ADGRF5: variants seen among roughly 807,000 people sequenced by gnomAD.
ADGRF5 encodes adhesion G protein-coupled receptor F5.
ADGRF5 carries 75 observed loss-of-function variants against 132.3 expected under a neutral mutation model. The observed-to-expected ratio is 0.57, with a 90% CI of 0.47 to 0.69. The LOEUF (loss-of-function observed/expected upper bound fraction) is 0.69. Ranked by LOEUF, ADGRF5 falls within the 30% of genes least tolerant of loss-of-function variation. The pLI, the probability that ADGRF5 is intolerant of heterozygous loss-of-function variation, is 0.00. For synonymous variants in ADGRF5, 629 were observed against 597.6 expected, an observed-to-expected ratio of 1.05 and a Z score of -0.77; for missense variants, 1,516 against 1,630.6, an observed-to-expected ratio of 0.93 and a Z score of 1.21.
chr6:46,926,974 C>T (rs979249583), intron 1 of ADGRF5, among the ~76,000 whole-genome samples: 3 of 152,116 alleles, frequency 2.0e-5, no homozygotes, highest in Admixed American at 6.5e-5. Flanking sequence ...TCTCCAATGG[C>T]GGATACCATA....
intron 10 of ADGRF5, among the ~76,000 whole-genome samples, chr6:46,876,565 A>G (rs1219175187): frequency 1.3e-5 from 2 of 152,162 alleles, no homozygotes; most frequent in East Asian, 3.9e-4. Context: ...TTTGGAAATT[A>G]CATGTGCTTA....
chr6:46,855,069 G>A (rs1768882443), intron 20 of ADGRF5, among the ~76,000 whole-genome samples: 1 of 152,240 alleles, frequency 6.6e-6, no homozygotes, highest in African/African-American at 2.4e-5. Flanking sequence ...TTCCTGTGAG[G>A]AAGGGATGAT....
intron 2 of ADGRF5, among the ~76,000 whole-genome samples, chr6:46,902,226 T>A (rs1403376151): frequency 6.6e-6 from 1 of 152,200 alleles, no homozygotes; most frequent in Non-Finnish European, 1.5e-5. Flanking sequence ...TTCTTCGTGC[T>A]TTCCTGCCTC....
At position 46,856,864 on chromosome 6, in the gene ADGRF5, T is replaced by G; in HGVS notation, c.3816+3A>C. 1 of 1,609,932 alleles carries G rather than the reference T, an allele frequency of 6.2e-7. No homozygotes were observed. Among genetic ancestry groups the G allele is most frequent in the Non-Finnish European group, 8.5e-7 (1 of 1,177,974 alleles). Reference sequence around the variant, plus strand: ...AGAAACATGAAACTGTCATTGCTCTTACCTTCAGATCCCAGAGGCATCCAA... The same window carrying G: ...AGAAACATGAAACTGTCATTGCTCTGACCTTCAGATCCCAGAGGCATCCAA... On this transcript the variant is annotated splice_donor_region_variant and intron_variant, in intron 18 of 20. Transcript: ENST00000283296.
chr6:46,927,336 C>G (rs7766060), intron 1 of ADGRF5, among the ~76,000 whole-genome samples: 82,464 of 150,014 alleles, frequency 0.55, 23,780 homozygotes, highest in East Asian at 0.63. Flanking sequence ...AGCTAGTGAT[C>G]ATTTGTTCCA....
intron 10 of ADGRF5, among the ~76,000 whole-genome samples, chr6:46,875,984 C>T (rs191764270): frequency 6.6e-6 from 1 of 152,314 alleles, no homozygotes; most frequent in African/African-American, 2.4e-5. Flanking sequence ...TCCTTTCCGT[C>T]TCATCCTTTT....
At chr6:46,945,966 G>A (rs1290388785) in intron 1 of ADGRF5, among the ~76,000 whole-genome samples, 1 of 152,118 alleles carries the variant, frequency 6.6e-6, no homozygotes, top group Non-Finnish European at 1.5e-5. Context: ...GAGGGAAGCT[G>A]CCCTCATGAT....
chr6:46,860,058 C>T (rs1360249938), intron 16 of ADGRF5, among the ~76,000 whole-genome samples: 1 of 152,092 alleles, frequency 6.6e-6, no homozygotes, highest in Non-Finnish European at 1.5e-5. Context: ...CCGCTGCAGT[C>T]CCCTTTCTCC....
intron 4 of ADGRF5, among the ~76,000 whole-genome samples, chr6:46,886,250 TC>T (rs1301835236): frequency 6.6e-6 from 1 of 152,300 alleles, no homozygotes; most frequent in South Asian, 2.1e-4. Flanking sequence ...TCGAGTTAAT[TC>T]CTTGGGCACT....
In ADGRF5 at chr6:46,858,844, A is replaced by G. The variant is rs1480705832; in HGVS notation, c.3059T>C (p.Val1020Ala). The G allele has an allele frequency of 6.2e-7, 1 of 1,614,076 alleles. No individual in the cohort carries two copies. Among genetic ancestry groups the G allele is most frequent in the South Asian group, 1.1e-5 (1 of 91,084 alleles). Residue 1020 changes from valine (V) to alanine (A), a missense_variant, in exon 17 of 21, where the codon GTG becomes GCG. Transcript: ENST00000283296. ...ILLDIISYVG[V>A]GFSILSLAAC... is the part of the protein sequence containing the mutation. ...TGCCAAGCTCAAGATGGAAAAGCCCACCCCAACATAAGAAATAATATCCAG... is the reference window on the plus strand; with the variant it reads ...TGCCAAGCTCAAGATGGAAAAGCCCGCCCCAACATAAGAAATAATATCCAG...
chr6:46,944,008 A>T (rs1231926694), intron 1 of ADGRF5, among the ~76,000 whole-genome samples: 1 of 152,150 alleles, frequency 6.6e-6, no homozygotes, highest in African/African-American at 2.4e-5. Flanking sequence ...ACACTTTTCT[A>T]AACAAAGCTG....
In ADGRF5 at chr6:46,920,531, G is replaced by GGT. The variant is rs547219363; in HGVS notation, c.-25+1181_-25+1182insAC. 2.4e-3 allele frequency among the ~76,000 whole-genome samples: 322 copies of GGT among 134,898 alleles called. 8 individuals are homozygous for GGT. Among genetic ancestry groups the GGT allele is most frequent in the Middle Eastern group, 7.2e-3 (2 of 276 alleles). 88.5% of individuals were successfully genotyped at this position (134,898 alleles called of 152,430 possible). A position where few individuals can be genotyped will look rare whatever the true frequency, so the allele number is the denominator to read the frequency against. Reference sequence around the variant, plus strand: ...ACAATTGATAGAATAATATTTGGGGGGGGGGAAGAGAGTGTATATTGGGGG... The same window carrying GGT: ...ACAATTGATAGAATAATATTTGGGGGGTGGGGGAAGAGAGTGTATATTGGGGG... On this transcript the variant is annotated intron_variant, in intron 1 of 20. Coordinates refer to ENST00000283296, the MANE Select transcript of ADGRF5 (RefSeq NM_001098518.2).
In ADGRF5 at chr6:46,927,685, A is replaced by C. The variant is rs559278994; in HGVS notation, c.-24-20899T>G. Among the ~76,000 whole-genome samples the C allele has an allele frequency of 2.6e-4, 40 of 152,316 alleles. No individual in the cohort carries two copies. The Middle Eastern group carries it at 0.01, about 39-fold the overall frequency. On this transcript the variant is annotated intron_variant, in intron 1 of 20. Transcript: ENST00000265417. Reference sequence around the variant, plus strand: ...CCAGCAACAGAATTTCCTTGTTAACATCATTATCACAGAAGTAGACCAGCA... The same window carrying C: ...CCAGCAACAGAATTTCCTTGTTAACCTCATTATCACAGAAGTAGACCAGCA...
chr6:46,954,648 A>G (rs955630552), intron 1 of ADGRF5: 1 of 152,262 alleles, frequency 6.6e-6, no homozygotes, highest in African/African-American at 2.4e-5. Flanking sequence ...GAAGCCAGCT[A>G]GAAAAGCCAC....
At position 46,871,934 on chromosome 6, in the gene ADGRF5, C is replaced by T. The variant is rs774615419; in HGVS notation, c.1320G>A (p.Ser440=). 3.5e-5 allele frequency: 56 copies of T among 1,612,366 alleles called. No homozygotes were observed. Among genetic ancestry groups the T allele is most frequent in the East Asian group, 4.5e-5 (2 of 44,854 alleles). The part of the protein sequence containing the change: ...KADGTQCPSG[S]SGTTVIYTCE... The stretch of plus-strand genomic sequence containing the variant: ...AAGTGTAGATGACTGTTGTTCCAGA[C>T]GACCCGCTTGGGCACTGGGTTCCAT... Residue 440 remains serine, a synonymous_variant, in exon 11 of 21, where the codon TCG becomes TCA. Coordinates refer to ENST00000283296, the MANE Select transcript of ADGRF5 (RefSeq NM_001098518.2).
At position 46,900,969 on chromosome 6, in the gene ADGRF5, T is replaced by C. The variant is rs563887720; in HGVS notation, c.103-886A>G. On this transcript the variant is annotated intron_variant, in intron 2 of 20. Coordinates refer to ENST00000283296, the MANE Select transcript of ADGRF5 (RefSeq NM_001098518.2). The stretch of plus-strand genomic sequence containing the variant: ...TGTGCCTCAGTTCTTACCTATAGAA[T>C]GGGGATGAATATAGCTTATCTCAGA... Among the ~76,000 whole-genome samples, 31 of 152,274 alleles carry C rather than the reference T, an allele frequency of 2.0e-4. 1 individual carries two copies. The highest frequency in any genetic ancestry group is 1.6e-3 in the Admixed American group (24 of 15,292).
At chr6:46,928,579 C>G (rs1287459756) in intron 1 of ADGRF5, among the ~76,000 whole-genome samples, 1 of 152,174 alleles carries the variant, frequency 6.6e-6, no homozygotes. Flanking sequence ...AATCTCCACT[C>G]TTCTCTCATT....
intron 15 of ADGRF5, among the ~76,000 whole-genome samples, chr6:46,862,232 T>C (rs1769839554): frequency 6.6e-6 from 1 of 152,204 alleles, no homozygotes; most frequent in African/African-American, 2.4e-5. Context: ...ACCTATAACC[T>C]CACCAGTTGC....
rs1387940530 is a variant in ADGRF5 at position 46,853,445 on chromosome 6, TTA to T, written c.*545_*546del. On this transcript the variant is annotated 3_prime_UTR_variant, in exon 21 of 21. Coordinates refer to ENST00000283296, the MANE Select transcript of ADGRF5 (RefSeq NM_001098518.2). The stretch of plus-strand genomic sequence containing the variant: ...AAATTCTCAATGTTGCACTGAGTGA[TTA>T]TATTAGATCATTAACATGGAAATCT... 1 of 152,808 alleles carries T rather than the reference TTA, an allele frequency of 6.5e-6. No homozygotes were observed. Among genetic ancestry groups the T allele is most frequent in the Non-Finnish European group, 1.5e-5 (1 of 68,524 alleles). The allele number at this position is 152,808 out of a possible 1,614,324, so 9.5% of individuals were successfully genotyped here. A position where few individuals can be genotyped will look rare whatever the true frequency, so the allele number is the denominator to read the frequency against.
Sources: gnomAD v4.1 joint callset for allele counts (sites outside exome capture counted in the v4.1 genomes callset) on GRCh38, gnomAD v4.1.1 for gene constraint, MANE v1.5 for transcripts, NCBI Gene and HGNC (gene_info 2026-07-23, HGNC 2026-07-21) for gene names.